The following CNTN4 variants were observed in gnomAD, a reference collection of about 807,000 sequenced individuals.
CNTN4 encodes the protein contactin 4.
Under a neutral mutation model 122.5 loss-of-function variants are expected in CNTN4, and 77 were observed. That is an observed-to-expected ratio of 0.63 (90% confidence interval 0.52 to 0.76). The LOEUF is 0.76. Ranked by LOEUF, CNTN4 falls within the 30% of genes least tolerant of loss-of-function variation. The pLI, the probability that CNTN4 is intolerant of heterozygous loss-of-function variation, is 0.00. For missense variants in CNTN4, 1,256 were observed against 1,259.1 expected (o/e 1.00, Z 0.04); for synonymous variants, 512 against 447.0 (o/e 1.15, Z -1.83).
chr3:2,774,428 T>C (rs2091232953), intron 6 of CNTN4, among the ~76,000 whole-genome samples: 2 of 152,270 alleles, frequency 1.3e-5, no homozygotes, highest in Middle Eastern at 6.8e-3. Flanking sequence ...ATCTCACTTA[T>C]CTCCTCTACT....
intron 2 of CNTN4, among the ~76,000 whole-genome samples, chr3:2,259,209 C>T (rs980579034): frequency 6.6e-6 from 1 of 151,920 alleles, no homozygotes; most frequent in African/African-American, 2.4e-5. Flanking sequence ...TTTGTCTGGT[C>T]AGTCAGTGAA....
At position 2,238,138 on chromosome 3, in the gene CNTN4, T is replaced by A. The variant is rs1407929579; in HGVS notation, c.-144-101040T>A. On this transcript the variant is annotated intron_variant, in intron 2 of 24. Transcript: ENST00000418658. ...TTTAAATTTGCAGGCTATGAACAAT[T>A]GAATTTGAGGAATAACGTATTTTGG... 3.3e-5 allele frequency among the ~76,000 whole-genome samples: 5 copies of A among 152,120 alleles called. No homozygotes were observed. In the East Asian group the frequency reaches 7.7e-4, roughly 23 times the overall value.
intron 3 of CNTN4, among the ~76,000 whole-genome samples, chr3:2,409,591 A>G (rs991052001): frequency 2.6e-5 from 4 of 152,160 alleles, no homozygotes; most frequent in Admixed American, 6.5e-5. Context: ...CATTATAGCA[A>G]TCATTAATCT....
chr3:2,979,062 C>T (rs1693700116), intron 13 of CNTN4, among the ~76,000 whole-genome samples: 1 of 152,184 alleles, frequency 6.6e-6, no homozygotes, highest in East Asian at 1.9e-4. Context: ...GCAAGCAAAA[C>T]GTGATAGCTC....
At chr3:2,405,101 G>A (rs888560843) in intron 3 of CNTN4, among the ~76,000 whole-genome samples, 1 of 152,090 alleles carries the variant, frequency 6.6e-6, no homozygotes, top group African/African-American at 2.4e-5. Context: ...TTATGTAATT[G>A]ACTTGTTCTT....
At chr3:2,489,841 T>A (rs887193088) in intron 3 of CNTN4, among the ~76,000 whole-genome samples, 1 of 152,208 alleles carries the variant, frequency 6.6e-6, no homozygotes, top group Non-Finnish European at 1.5e-5. Flanking sequence ...TTTATTCAAT[T>A]TCTCTAAAGA....
In CNTN4 at chr3:2,964,631, C is replaced by T. The variant is rs143838661; in HGVS notation, c.1359-23714C>T. On this transcript the variant is annotated intron_variant, in intron 13 of 24. Coordinates refer to ENST00000418658, the MANE Select transcript of CNTN4 (RefSeq NM_175607.3). ...ATGTGACATAGCTGCTGACCTCAAA[C>T]CAAACTTTAAGTAAGGAACTAGATA... Among the ~76,000 whole-genome samples, 832 of 152,202 alleles carry T rather than the reference C, an allele frequency of 5.5e-3. 2 individuals are homozygous for T. Among genetic ancestry groups the T allele is most frequent in the South Asian group, 0.018 (88 of 4,818 alleles).
intron 2 of CNTN4, among the ~76,000 whole-genome samples, chr3:2,160,870 C>T (rs2035937801): frequency 6.6e-6 from 1 of 152,114 alleles, no homozygotes; most frequent in Non-Finnish European, 1.5e-5. Flanking sequence ...TCCTTCTGTA[C>T]ACAAAGCTCT....
chr3:2,668,556 C>A (rs981257002), intron 4 of CNTN4, among the ~76,000 whole-genome samples: 14 of 152,160 alleles, frequency 9.2e-5, no homozygotes, highest in African/African-American at 3.1e-4. Context: ...AATTTGACTT[C>A]CTCTTTTCCT....
intron 2 of CNTN4, among the ~76,000 whole-genome samples, chr3:2,232,677 C>G (rs2039532443): frequency 6.6e-6 from 1 of 152,142 alleles, no homozygotes; most frequent in African/African-American, 2.4e-5. Flanking sequence ...GTCTATTACC[C>G]CAGGCATTTA....
At chr3:2,225,910 A>G (rs1258163064) in intron 2 of CNTN4, among the ~76,000 whole-genome samples, 2 of 152,160 alleles carry the variant, frequency 1.3e-5, no homozygotes, top group Admixed American at 6.5e-5. Flanking sequence ...GGATTTGAGT[A>G]CAAGGATCTG....
chr3:2,309,660 G>A (rs1190370982), intron 2 of CNTN4, among the ~76,000 whole-genome samples: 2 of 151,928 alleles, frequency 1.3e-5, no homozygotes, highest in Non-Finnish European at 2.9e-5. Context: ...AGTGATGCTT[G>A]GTCTTTTAAT....
At chr3:2,944,969 G>A (rs1224414908) in intron 13 of CNTN4, among the ~76,000 whole-genome samples, 2 of 151,954 alleles carry the variant, frequency 1.3e-5, no homozygotes, top group African/African-American at 4.9e-5. Flanking sequence ...GCAAGGGAAT[G>A]TGGTCTTTAA....
chr3:2,778,620 T>C (rs1300587191), intron 6 of CNTN4, among the ~76,000 whole-genome samples: 1 of 152,218 alleles, frequency 6.6e-6, no homozygotes, highest in Non-Finnish European at 1.5e-5. Context: ...GAAATGGAAC[T>C]ATTATAGTGA....
rs80024775 is a variant in CNTN4 at position 2,140,422 on chromosome 3, A to G, written c.-145+39783A>G. ...TCTGGGTAGCTCCTAAACAACAGAA[A>G]TTTATTTCTTACAATTCTAGGGTCT... On this transcript the variant is annotated intron_variant, in intron 2 of 24. Coordinates refer to ENST00000418658, the MANE Select transcript of CNTN4 (RefSeq NM_175607.3). 4.4e-4 allele frequency among the ~76,000 whole-genome samples: 67 copies of G among 152,248 alleles called. No homozygotes were observed. In the East Asian group the frequency reaches 0.012, roughly 27 times the overall value.
intron 2 of CNTN4, among the ~76,000 whole-genome samples, chr3:2,247,357 G>T (rs1158476118): frequency 5.3e-5 from 8 of 151,990 alleles, no homozygotes; most frequent in African/African-American, 1.7e-4. Flanking sequence ...TTCTGTGCTT[G>T]GTTGGTGTTG....
intron 4 of CNTN4, among the ~76,000 whole-genome samples, chr3:2,658,215 G>A (rs564854746): frequency 1.3e-5 from 2 of 151,780 alleles, no homozygotes; most frequent in African/African-American, 4.8e-5. Flanking sequence ...TCCTCTTCCT[G>A]TGTGGAACCT....
At chr3:2,336,813 C>G (rs563313613) in intron 2 of CNTN4, among the ~76,000 whole-genome samples, 2 of 152,206 alleles carry the variant, frequency 1.3e-5, no homozygotes, top group African/African-American at 4.8e-5. Flanking sequence ...GTATGTAATC[C>G]TAACTCTGGT....
In CNTN4 at chr3:2,535,477, T is replaced by C. The variant is rs2077766534; in HGVS notation, c.-88-35939T>C. 2.0e-5 allele frequency among the ~76,000 whole-genome samples: 3 copies of C among 152,178 alleles called. No individual in the cohort carries two copies. The South Asian group carries it at 6.2e-4, about 31-fold the overall frequency. Reference sequence around the variant, plus strand: ...TTTCACTTTTCTCCTTCAACCATCATGTGAGGTAGGTAGCTGTTGAGATTT... The same window carrying C: ...TTTCACTTTTCTCCTTCAACCATCACGTGAGGTAGGTAGCTGTTGAGATTT... On this transcript the variant is annotated intron_variant, in intron 3 of 24. Transcript: ENST00000418658.
Sources: gnomAD v4.1 joint callset for allele counts (sites outside exome capture counted in the v4.1 genomes callset) on GRCh38, gnomAD v4.1.1 for gene constraint, MANE v1.5 for transcripts, NCBI Gene and HGNC (gene_info 2026-07-23, HGNC 2026-07-21) for gene names.